The following FBN1 variants were observed in gnomAD, a reference collection of about 807,000 sequenced individuals.
FBN1 encodes the protein fibrillin-1.
Under a neutral mutation model 365.1 loss-of-function variants are expected in FBN1, and 29 were observed. That is an observed-to-expected ratio of 0.08 (90% CI 0.06 to 0.11). The LOEUF is 0.11. Ranked by LOEUF, FBN1 falls within the 10% of genes least tolerant of loss-of-function variation. The pLI is 1.00. For synonymous variants in FBN1, 1,210 were observed against 1,270.5 expected (o/e 0.95, Z 1.01); for missense variants, 2,476 against 3,703.2 (o/e 0.67, Z 8.60).
At position 48,437,683 on chromosome 15, in the gene FBN1, T is replaced by C. The variant is rs960875460; in HGVS notation, c.6313+85A>G. 6 of 1,359,056 alleles carry C rather than the reference T, an allele frequency of 4.4e-6. No individual in the cohort carries two copies. The Admixed American group carries it at 1.1e-4, about 25-fold the overall frequency. The allele number at this position is 1,359,056 out of a possible 1,614,324, so 84.2% of individuals were successfully genotyped here. ...TTACAATTAAATTAAATTGTGTTAC[T>C]GTCTTTAAGGCCTACAGTCTTACTT... On this transcript the variant is annotated intron_variant, in intron 51 of 65. Coordinates refer to ENST00000316623, the MANE Select transcript of FBN1 (RefSeq NM_000138.5).
intron 13 of FBN1, among the ~76,000 whole-genome samples, chr15:48,510,994 C>T (rs914945884): frequency 9.9e-5 from 15 of 152,208 alleles, no homozygotes; most frequent in Non-Finnish European, 2.1e-4. Flanking sequence ...TCTTTGTCTA[C>T]ACAGGCACAC....
chr15:48,600,619 G>A lies in FBN1; in HGVS notation c.347-385C>T, dbSNP rs111539108. On this transcript the variant is annotated intron_variant, in intron 4 of 65. Coordinates refer to ENST00000316623, the MANE Select transcript of FBN1 (RefSeq NM_000138.5). ...CTCCGGAGGCTGAGGCAAGAGAATC[G>A]CTTGAACCTGGGGGGGCAGAGGTTG... Among the ~76,000 whole-genome samples the A allele has an allele frequency of 6.6e-3, 1,002 of 152,256 alleles. 11 individuals are homozygous for A. The highest frequency in any genetic ancestry group is 0.023 in the African/African-American group (945 of 41,542).
intron 45 of FBN1, among the ~76,000 whole-genome samples, chr15:48,450,524 A>G (rs2043193038): frequency 6.6e-6 from 1 of 152,230 alleles, no homozygotes; most frequent in Non-Finnish European, 1.5e-5. Flanking sequence ...TGAACAGGCT[A>G]CTGTGGAAAG....
intron 58 of FBN1, 59 bp downstream of exon 58, chr15:48,427,508 C>T: frequency 1.3e-6 from 2 of 1,543,700 alleles, no homozygotes; most frequent in Admixed American, 1.7e-5. Context: ...ATCTGTGTTT[C>T]ACACAAAAAA....
At chr15:48,611,822 G>A (rs1470322797) in intron 3 of FBN1, among the ~76,000 whole-genome samples, 2 of 152,146 alleles carry the variant, frequency 1.3e-5, no homozygotes, top group East Asian at 1.9e-4. Context: ...ACTACTTTTC[G>A]TCATGACAGG....
intron 35 of FBN1, among the ~76,000 whole-genome samples, chr15:48,471,286 A>C (rs1022040876): frequency 6.6e-6 from 1 of 152,074 alleles, no homozygotes; most frequent in Admixed American, 6.6e-5. Flanking sequence ...TCCTGTTAAC[A>C]TTCTTCGTGT....
chr15:48,512,079 C>G (rs1302292263), intron 13 of FBN1, among the ~76,000 whole-genome samples: 1 of 152,158 alleles, frequency 6.6e-6, no homozygotes, highest in Non-Finnish European at 1.5e-5. Flanking sequence ...AGTTCAAAGT[C>G]CTTGCTCCAG....
rs1566904712 is a variant in FBN1, at chr15:48,468,532, C to A, written c.4462G>T (p.Val1488Leu). The A allele has an allele frequency of 1.2e-6, 2 of 1,614,106 alleles. No individual in the cohort carries two copies. Among genetic ancestry groups the A allele is most frequent in the Non-Finnish European group, 1.7e-6 (2 of 1,179,998 alleles). The change falls in exon 37 of 66, where the codon GTG becomes TTG. Residue 1488 changes from valine (V) to leucine (L), a missense_variant and splice_region_variant. By Grantham distance (32) the Val-to-Leu change is conservative. Around this residue, in one of 5 missense-constraint regions of FBN1, gnomAD observed 1,780 missense variants for 2,840.8 expected, o/e 0.63. Coordinates refer to ENST00000316623, the MANE Select transcript of FBN1 (RefSeq NM_000138.5). Reference protein sequence around the residue: ...LDRSGGNCTDVNECLDPTTCI... With the variant: ...LDRSGGNCTDLNECLDPTTCI... ...GTGGTTGGATCCAGGCATTCATTCA[C>A]ATCTAAAACCGAACAGTGAGTAGTG...
chr15:48,523,711 G>T (rs906120719), intron 9 of FBN1, among the ~76,000 whole-genome samples: 6 of 62,448 alleles, frequency 9.6e-5, no homozygotes, highest in Admixed American at 1.4e-4. Flanking sequence ...AAGGGTGGCT[G>T]GGGGGGGGGG....
At chr15:48,483,793 G>T (rs1443244369) in intron 31 of FBN1, 25 bp downstream of exon 31, 1 of 1,612,798 alleles carries the variant, frequency 6.2e-7, no homozygotes, top group Non-Finnish European at 8.5e-7. Context: ...AAGACAAGAT[G>T]AAAAATTCTG....
intron 10 of FBN1, among the ~76,000 whole-genome samples, chr15:48,518,123 C>T (rs1212330675): frequency 1.3e-5 from 2 of 152,166 alleles, no homozygotes; most frequent in Non-Finnish European, 2.9e-5. Context: ...TACTGACGTA[C>T]TTGAATGTAT....
At chr15:48,611,192 A>G (rs1176477177) in intron 3 of FBN1, among the ~76,000 whole-genome samples, 1 of 152,118 alleles carries the variant, frequency 6.6e-6, no homozygotes. Flanking sequence ...TATTATATTA[A>G]CTCTAAGATT....
intron 32 of FBN1, among the ~76,000 whole-genome samples, chr15:48,479,959 T>C (rs1477195320): frequency 6.6e-6 from 1 of 152,208 alleles, no homozygotes; most frequent in Non-Finnish European, 1.5e-5. Context: ...AGACACTGTG[T>C]CTATGTTTCA....
intron 6 of FBN1, among the ~76,000 whole-genome samples, chr15:48,559,636 C>G (rs2044208990): frequency 6.6e-6 from 1 of 152,162 alleles, no homozygotes; most frequent in Non-Finnish European, 1.5e-5. Context: ...CCCAGAATGA[C>G]TGAGTAAATG....
rs151012060 is a variant in FBN1 at position 48,499,163 on chromosome 15, G to A, written c.2114-125C>T. Reference sequence around the variant, plus strand: ...ACCAAACTTAAGTGGTAACGGAAAAGGAGGTATCTCCCCAGGGAGTCACCT... The same window carrying A: ...ACCAAACTTAAGTGGTAACGGAAAAAGAGGTATCTCCCCAGGGAGTCACCT... On this transcript the variant is annotated intron_variant, in intron 17 of 65. Transcript: ENST00000316623. 3.8e-4 allele frequency: 349 copies of A among 924,454 alleles called. 3 individuals are homozygous for A. In the African/African-American group the frequency reaches 4.9e-3, roughly 13 times the overall value. 57.3% of individuals were successfully genotyped at this position (924,454 alleles called of 1,614,324 possible). A position where few individuals can be genotyped will look rare whatever the true frequency, so the allele number is the denominator to read the frequency against.
intron 49 of FBN1, among the ~76,000 whole-genome samples, chr15:48,442,508 T>C (rs982658349): frequency 6.6e-6 from 1 of 152,178 alleles, no homozygotes; most frequent in Admixed American, 6.6e-5. Flanking sequence ...ATATAGACAA[T>C]AGGAAACTGT....
intron 34 of FBN1, among the ~76,000 whole-genome samples, chr15:48,473,610 A>C (rs2141278897): frequency 6.6e-6 from 1 of 152,332 alleles, no homozygotes. Context: ...AATGAATTCC[A>C]TAGCAGGTTT....
intron 24 of FBN1, among the ~76,000 whole-genome samples, chr15:48,490,544 T>C (rs936823028): frequency 6.6e-6 from 1 of 152,214 alleles, no homozygotes; most frequent in African/African-American, 2.4e-5. Flanking sequence ...AAAGGTGGAA[T>C]GATGAACTCT....
chr15:48,553,386 A>T (rs2141375678), intron 6 of FBN1, among the ~76,000 whole-genome samples: 1 of 152,324 alleles, frequency 6.6e-6, no homozygotes, highest in Non-Finnish European at 1.5e-5. Context: ...CAATACGTCA[A>T]TAAGAATGGA....
Sources: gnomAD v4.1 joint callset for allele counts (sites outside exome capture counted in the v4.1 genomes callset) on GRCh38, gnomAD v4.1.1 for gene constraint, gnomAD v4.1.1 regional missense constraint, MANE v1.5 for transcripts, NCBI Gene and HGNC (gene_info 2026-07-23, HGNC 2026-07-21) for gene names.